TTC28: variants seen among roughly 807,000 people sequenced by gnomAD.
TTC28 encodes the protein tetratricopeptide repeat domain 28.
In TTC28, 61 loss-of-function variants were observed where a neutral mutation model predicts 198.0. That is an observed-to-expected ratio of 0.31 (90% CI 0.25 to 0.38). The LOEUF (loss-of-function observed/expected upper bound fraction) is 0.38. Among genes scored for constraint, TTC28 ranks in the 10% least tolerant of loss-of-function variants. The pLI, the probability that TTC28 is intolerant of heterozygous loss-of-function variation, is 1.00. For missense variants in TTC28, 2,678 were observed against 3,164.0 expected, an observed-to-expected ratio of 0.85 and a Z score of 3.69; for synonymous variants, 1,171 against 1,297.8, an observed-to-expected ratio of 0.90 and a Z score of 2.10.
At chr22:28,582,065 C>T (rs1362711217) in intron 2 of TTC28, among the ~76,000 whole-genome samples, 3 of 151,498 alleles carry the variant, frequency 2.0e-5, no homozygotes, top group East Asian at 1.9e-4. Context: ...AAAATTCATA[C>T]CTATAATTAT....
At chr22:28,662,385 G>C (rs1262252774) in intron 1 of TTC28, among the ~76,000 whole-genome samples, 1 of 152,220 alleles carries the variant, frequency 6.6e-6, no homozygotes, top group East Asian at 1.9e-4. Flanking sequence ...TCCAGAGCCA[G>C]GCTGCTAAAT....
intron 2 of TTC28, among the ~76,000 whole-genome samples, chr22:28,621,412 T>C (rs1601631618): frequency 1.3e-5 from 2 of 151,944 alleles, no homozygotes; most frequent in East Asian, 3.9e-4. Flanking sequence ...AAGATATATA[T>C]GAAATACATT....
intron 5 of TTC28, among the ~76,000 whole-genome samples, chr22:28,165,975 C>T (rs112358164): frequency 9.6e-4 from 145 of 151,532 alleles, no homozygotes; most frequent in Admixed American, 1.7e-3. Flanking sequence ...AATAAAGGGA[C>T]GGAGGAAGAT....
At chr22:28,047,229 G>A (rs1270917017) in intron 12 of TTC28, among the ~76,000 whole-genome samples, 1 of 152,210 alleles carries the variant, frequency 6.6e-6, no homozygotes, top group Non-Finnish European at 1.5e-5. Context: ...TCAGGGGAGA[G>A]ACATGCAGAA....
intron 6 of TTC28, among the ~76,000 whole-genome samples, chr22:28,146,478 G>T (rs149176896): frequency 6.6e-6 from 1 of 152,308 alleles, no homozygotes; most frequent in South Asian, 2.1e-4. Context: ...ATGCCAGCTC[G>T]CCGGATGGTG....
At chr22:28,619,485 C>A (rs1416759152) in intron 2 of TTC28, among the ~76,000 whole-genome samples, 1 of 152,162 alleles carries the variant, frequency 6.6e-6, no homozygotes, top group Non-Finnish European at 1.5e-5. Flanking sequence ...TAACACCAGT[C>A]CCCTAACAAC....
intron 2 of TTC28, among the ~76,000 whole-genome samples, chr22:28,465,401 G>A (rs537415833): frequency 2.3e-4 from 35 of 152,142 alleles, no homozygotes; most frequent in Admixed American, 7.2e-4. Flanking sequence ...CGAGGCAGGC[G>A]GATCACAAGG....
intron 2 of TTC28, among the ~76,000 whole-genome samples, chr22:28,579,628 G>A (rs906467497): frequency 5.6e-4 from 75 of 132,896 alleles, no homozygotes; most frequent in African/African-American, 2.1e-3. Context: ...ATATACAAAT[G>A]TGTGTGTGTG....
chr22:28,363,604 A>G (rs921397513), intron 2 of TTC28, among the ~76,000 whole-genome samples: 7 of 152,170 alleles, frequency 4.6e-5, no homozygotes, highest in Non-Finnish European at 1.5e-5. Context: ...AGCTTGCACC[A>G]TGCACCTGGA....
chr22:28,476,989 C>T (rs555478393), intron 2 of TTC28, among the ~76,000 whole-genome samples: 2 of 152,162 alleles, frequency 1.3e-5, no homozygotes, highest in South Asian at 2.1e-4. Flanking sequence ...ACAGACATTA[C>T]GTTGAATGAA....
chr22:28,308,508 C>T (rs903548231), intron 2 of TTC28, among the ~76,000 whole-genome samples: 4 of 152,116 alleles, frequency 2.6e-5, no homozygotes, highest in African/African-American at 9.7e-5. Context: ...TAACTTCTTA[C>T]ATATTTGAAG....
intron 2 of TTC28, among the ~76,000 whole-genome samples, chr22:28,581,516 A>C (rs2050233745): frequency 6.6e-6 from 1 of 152,224 alleles, no homozygotes; most frequent in Admixed American, 6.5e-5. Context: ...AGTCTAAAGT[A>C]ATGGAAGTAT....
chr22:28,527,215 C>T (rs1415509419), intron 2 of TTC28, among the ~76,000 whole-genome samples: 1 of 152,216 alleles, frequency 6.6e-6, no homozygotes, highest in Non-Finnish European at 1.5e-5. Context: ...GCCCACTCAA[C>T]ACAGATACTG....
intron 13 of TTC28, among the ~76,000 whole-genome samples, chr22:28,014,843 G>A (rs897559519): frequency 1.3e-5 from 2 of 152,176 alleles, no homozygotes; most frequent in African/African-American, 4.8e-5. Flanking sequence ...TGGGCTCAGA[G>A]CAACTGCTGA....
chr22:28,200,610 A>G (rs1925840418), intron 5 of TTC28, among the ~76,000 whole-genome samples: 1 of 152,152 alleles, frequency 6.6e-6, no homozygotes, highest in Non-Finnish European at 1.5e-5. Flanking sequence ...TGGGGTTTAG[A>G]ATCGGAGGGC....
intron 12 of TTC28, among the ~76,000 whole-genome samples, chr22:28,060,607 T>C (rs1940486752): frequency 1.3e-5 from 2 of 152,248 alleles, no homozygotes; most frequent in African/African-American, 4.8e-5. Flanking sequence ...TTTGGGTATA[T>C]ACCCAGTAAT....
At chr22:28,634,240 G>A (rs1168302062) in intron 1 of TTC28, among the ~76,000 whole-genome samples, 1 of 152,182 alleles carries the variant, frequency 6.6e-6, no homozygotes, top group Non-Finnish European at 1.5e-5. Flanking sequence ...GGCCGGGAGT[G>A]GTGGCTCACG....
At chr22:28,603,746 C>T (rs892369832) in intron 2 of TTC28, among the ~76,000 whole-genome samples, 5 of 151,848 alleles carry the variant, frequency 3.3e-5, no homozygotes, top group African/African-American at 9.7e-5. Flanking sequence ...TATAACAGTC[C>T]TCTTGAAAAC....
At chr22:28,271,478 C>T (rs1026329057) in intron 5 of TTC28, among the ~76,000 whole-genome samples, 3 of 152,064 alleles carry the variant, frequency 2.0e-5, no homozygotes, top group Non-Finnish European at 4.4e-5. Context: ...GTGTCCCCAC[C>T]CAAATCTCAT....
Sources: allele counts gnomAD v4.1 joint callset (sites outside exome capture counted in the v4.1 genomes callset), GRCh38; gene constraint gnomAD v4.1.1; transcripts MANE v1.5; gene names NCBI Gene and HGNC (gene_info 2026-07-23, HGNC 2026-07-21).